Variants in NLGN4X observed in about 807,000 individuals in gnomAD.
The protein encoded by NLGN4X is neuroligin-4, X-linked.
In NLGN4X, 3 loss-of-function variants were observed where a neutral mutation model predicts 40.3. The observed-to-expected ratio is 0.07, with a 90% confidence interval of 0.03 to 0.19. The LOEUF is 0.19. Ranked by LOEUF, NLGN4X falls within the 10% of genes least tolerant of loss-of-function variation. NLGN4X has a pLI of 1.00. For missense variants in NLGN4X, 382 were observed against 708.3 expected (o/e 0.54, Z 5.23); for synonymous variants, 270 against 306.8 (o/e 0.88, Z 1.25).
intron 1 of NLGN4X, among the ~76,000 whole-genome samples, chrX:6,181,937 G>A (rs1203371190): frequency 9.0e-6 from 1 of 111,670 alleles, no homozygotes; most frequent in Non-Finnish European, 1.9e-5. Flanking sequence ...TACTCTTTTG[G>A]ATACATGATT....
chrX:6,179,256 T>A (rs1234149802), intron 1 of NLGN4X, among the ~76,000 whole-genome samples: 1 of 111,271 alleles, frequency 9.0e-6, no homozygotes, highest in African/African-American at 3.3e-5. Context: ...TCCTATCCAC[T>A]AATAACTGAA....
At chrX:6,025,714 G>A (rs757349744) in intron 3 of NLGN4X, among the ~76,000 whole-genome samples, 1 of 110,193 alleles carries the variant, frequency 9.1e-6, no homozygotes, top group East Asian at 2.9e-4. Flanking sequence ...GACCAGCCTG[G>A]CCAAAATGGC....
chrX:6,081,155 G>A (rs762411877), intron 2 of NLGN4X, among the ~76,000 whole-genome samples: 1 of 111,668 alleles, frequency 9.0e-6, no homozygotes, highest in East Asian at 2.8e-4. Flanking sequence ...AGGCATGGTG[G>A]TGCACACCTG....
At chrX:6,078,063 A>C (rs1477407105) in intron 2 of NLGN4X, among the ~76,000 whole-genome samples, 1 of 111,636 alleles carries the variant, frequency 9.0e-6, no homozygotes, top group Non-Finnish European at 1.9e-5. Context: ...TTGAGTCAGA[A>C]CTTGTGTCTG....
chrX:6,220,685 C>A (rs1251771803), intron 1 of NLGN4X, among the ~76,000 whole-genome samples: 3 of 107,616 alleles, frequency 2.8e-5, no homozygotes, highest in Non-Finnish European at 3.8e-5. Context: ...TGTCTTCACT[C>A]CTAAATAAGG....
At chrX:6,113,631 C>T (rs2039203307) in intron 2 of NLGN4X, among the ~76,000 whole-genome samples, 1 of 107,276 alleles carries the variant, frequency 9.3e-6, no homozygotes, top group African/African-American at 3.4e-5. Flanking sequence ...CCTAAGGGCT[C>T]GTTGCAATGC....
intron 2 of NLGN4X, among the ~76,000 whole-genome samples, chrX:6,140,162 A>AC (rs1569261225): frequency 9.0e-6 from 1 of 111,460 alleles, no homozygotes; most frequent in Non-Finnish European, 1.9e-5. Context: ...GTTGAAACCC[A>AC]CCACAAGAGC....
At chrX:6,035,512 C>A (rs2036980832) in intron 2 of NLGN4X, among the ~76,000 whole-genome samples, 1 of 111,642 alleles carries the variant, frequency 9.0e-6, no homozygotes, top group African/African-American at 3.3e-5. Flanking sequence ...TGAAATTGAT[C>A]TTTTTACATA....
intron 3 of NLGN4X, among the ~76,000 whole-genome samples, chrX:5,983,428 C>T (rs1301121049): frequency 9.0e-6 from 1 of 111,501 alleles, no homozygotes; most frequent in Non-Finnish European, 1.9e-5. Context: ...GTTCAAAAAG[C>T]TTGAAAACAA....
In NLGN4X at chrX:6,019,901, G is replaced by T. The variant is rs73627044; in HGVS notation, c.625+9379C>A. Among the ~76,000 whole-genome samples, 1,026 of 112,284 alleles carry T rather than the reference G, an allele frequency of 9.1e-3. 11 individuals are homozygous for T. Among genetic ancestry groups the T allele is most frequent in the African/African-American group, 0.031 (974 of 30,943 alleles). ...TGTGACTACTAACTCATGCTTAAATGACATTATATAATCAATTAACTGGGA... is the reference window on the plus strand; with the variant it reads ...TGTGACTACTAACTCATGCTTAAATTACATTATATAATCAATTAACTGGGA... On this transcript the variant is annotated intron_variant, in intron 3 of 5. Coordinates refer to ENST00000381095, the MANE Select transcript of NLGN4X (RefSeq NM_181332.3).
At chrX:5,930,948 C>T (rs1322405438) in intron 3 of NLGN4X, among the ~76,000 whole-genome samples, 2 of 112,194 alleles carry the variant, frequency 1.8e-5, no homozygotes, top group Non-Finnish European at 3.8e-5. Context: ...CCCATCCTGT[C>T]TGCCACAGTT....
intron 1 of NLGN4X, among the ~76,000 whole-genome samples, chrX:6,177,592 C>CAAAAT (rs1920983567): frequency 8.9e-6 from 1 of 112,166 alleles, no homozygotes; most frequent in African/African-American, 3.2e-5. Flanking sequence ...GCTACTCACA[C>CAAAAT]AAAATAATCA....
chrX:5,947,768 T>C (rs1204709678), intron 3 of NLGN4X, among the ~76,000 whole-genome samples: 1 of 111,630 alleles, frequency 9.0e-6, no homozygotes, highest in Non-Finnish European at 1.9e-5. Context: ...GAGATGTATA[T>C]TATGCACACA....
chrX:5,925,877 CACACAT>C (rs2033266831), intron 3 of NLGN4X, among the ~76,000 whole-genome samples: 7 of 11,119 alleles, frequency 6.3e-4, no homozygotes, highest in South Asian at 7.0e-3. Flanking sequence ...TATATACATA[CACACAT>C]ATATATATAT....
intron 2 of NLGN4X, among the ~76,000 whole-genome samples, chrX:6,142,863 T>C (rs1045672162): frequency 1.8e-5 from 2 of 111,864 alleles, no homozygotes; most frequent in Non-Finnish European, 3.8e-5. Context: ...TAAAGCAGAA[T>C]GATAATAGTG....
intron 2 of NLGN4X, among the ~76,000 whole-genome samples, chrX:6,041,990 C>T (rs2037171994): frequency 8.9e-6 from 1 of 112,029 alleles, no homozygotes; most frequent in South Asian, 3.7e-4. Context: ...CATGACGTGG[C>T]AATAACATGA....
chrX:6,225,674 TTTCTTTCTTTTTTTC>T (rs1926155110), intron 1 of NLGN4X, among the ~76,000 whole-genome samples: 1 of 86,859 alleles, frequency 1.2e-5, no homozygotes, highest in Non-Finnish European at 2.3e-5. Flanking sequence ...TTTCCTTTTT[TTTCTTTCTTTTTTTC>T]TTTTTTTTTT....
At position 6,027,708 on chromosome X, in the gene NLGN4X, T is replaced by A. The variant is rs750671980; in HGVS notation, c.625+1572A>T. Among the ~76,000 whole-genome samples the A allele has an allele frequency of 1.1e-4, 12 of 110,795 alleles. No individual in the cohort carries two copies. The East Asian group carries it at 3.4e-3, about 31-fold the overall frequency. On this transcript the variant is annotated intron_variant, in intron 3 of 5. Transcript: ENST00000381095. ...AGTCATCTGATTGAAAAGAAAATAT[T>A]CTTGGCCATATTTGAAGAAAACATT...
intron 1 of NLGN4X, among the ~76,000 whole-genome samples, chrX:6,210,205 A>T (rs905706931): frequency 9.3e-6 from 1 of 107,758 alleles, no homozygotes; most frequent in Non-Finnish European, 1.9e-5. Context: ...AGAGGAAAAA[A>T]TTGCAGTTGA....
Sources: allele counts gnomAD v4.1 joint callset (sites outside exome capture counted in the v4.1 genomes callset), GRCh38; gene constraint gnomAD v4.1.1; transcripts MANE v1.5; gene names NCBI Gene and HGNC (gene_info 2026-07-23, HGNC 2026-07-21).